Variants in MICU1 observed in about 807,000 individuals in gnomAD.
MICU1 encodes the protein mitochondrial calcium uptake 1, also known as calcium uptake protein 1, mitochondrial.
Under a neutral mutation model 56.8 loss-of-function variants are expected in MICU1, and 45 were observed. The ratio of observed to expected loss-of-function variants is 0.79; its 90% CI spans 0.62 to 1.02. The LOEUF is 1.02. Among genes scored for constraint, MICU1 ranks in the 50% least tolerant of loss-of-function variants. MICU1 has a pLI of 0.00. For missense variants in MICU1, 504 were observed against 587.1 expected (o/e 0.86, Z 1.46); for synonymous variants, 186 against 195.1 (o/e 0.95, Z 0.39).
intron 9 of MICU1, among the ~76,000 whole-genome samples, chr10:72,421,667 C>T (rs1864179423): frequency 6.6e-6 from 1 of 152,186 alleles, no homozygotes; most frequent in Non-Finnish European, 1.5e-5. Context: ...TGTTCTCCAA[C>T]CTCAAGGCTG....
At chr10:72,443,943 T>C (rs1263599537) in intron 8 of MICU1, among the ~76,000 whole-genome samples, 8 of 150,288 alleles carry the variant, frequency 5.3e-5, no homozygotes, top group African/African-American at 2.0e-4. Context: ...TGCAGCACTA[T>C]TCACAATAGC....
At chr10:72,620,845 C>T (rs1345099851) in intron 1 of MICU1, among the ~76,000 whole-genome samples, 2 of 152,102 alleles carry the variant, frequency 1.3e-5, no homozygotes, top group Admixed American at 1.3e-4. Flanking sequence ...CCACAGCTAC[C>T]TTTTTTTGCT....
chr10:72,625,279 C>T (rs955932545), intron 1 of MICU1, among the ~76,000 whole-genome samples: 2 of 152,102 alleles, frequency 1.3e-5, no homozygotes, highest in Non-Finnish European at 1.5e-5. Flanking sequence ...TAATGGCCAC[C>T]GTATTTTTTA....
chr10:72,427,277 T>C (rs569400853), intron 8 of MICU1, among the ~76,000 whole-genome samples: 3 of 152,366 alleles, frequency 2.0e-5, no homozygotes, highest in Admixed American at 1.3e-4. Context: ...CCTGGCTTTC[T>C]GTTCACACTG....
intron 6 of MICU1, among the ~76,000 whole-genome samples, chr10:72,496,921 T>C (rs1866864900): frequency 1.3e-5 from 2 of 152,308 alleles, no homozygotes; most frequent in South Asian, 4.1e-4. Context: ...ATGGAATTCT[T>C]ACTATATGCC....
chr10:72,429,221 A>C (rs1864445331), intron 8 of MICU1, among the ~76,000 whole-genome samples: 1 of 151,962 alleles, frequency 6.6e-6, no homozygotes, highest in Non-Finnish European at 1.5e-5. Flanking sequence ...GGAGTTTGAG[A>C]CCAGCCTGGT....
At chr10:72,370,888 G>A (rs1345313161) in intron 11 of MICU1, among the ~76,000 whole-genome samples, 1 of 151,848 alleles carries the variant, frequency 6.6e-6, no homozygotes, top group Non-Finnish European at 1.5e-5. Flanking sequence ...AAAATTAGCT[G>A]GGCATGGTGG....
At chr10:72,421,302 C>T (rs537802549) in intron 9 of MICU1, among the ~76,000 whole-genome samples, 1 of 151,906 alleles carries the variant, frequency 6.6e-6, no homozygotes, top group Admixed American at 6.6e-5. Context: ...TTCTCCCACG[C>T]TGGAGTGAAG....
intron 8 of MICU1, among the ~76,000 whole-genome samples, chr10:72,448,191 A>AT (rs879641500): frequency 0.014 from 567 of 39,454 alleles, 4 homozygotes; most frequent in Middle Eastern, 0.034. Context: ...ATATATATAT[A>AT]TATTTTTTTT....
chr10:72,589,574 A>C lies in MICU1; in HGVS notation c.-1-22780T>G, dbSNP rs182190245. ...AACATGGAAAAATAGCCAGAAAAAT[A>C]CTGAAGGAAAAAAAAACCCTTAGAG... On this transcript the variant is annotated intron_variant, in intron 1 of 11. Transcript: ENST00000361114. Among the ~76,000 whole-genome samples, 159 of 152,198 alleles carry C rather than the reference A, an allele frequency of 1.0e-3. 1 individual carries two copies. The highest frequency in any genetic ancestry group is 0.01 in the Middle Eastern group (3 of 294).
chr10:72,603,386 C>CAAAAAAAAA (rs59129933), intron 1 of MICU1, among the ~76,000 whole-genome samples: 1 of 129,648 alleles, frequency 7.7e-6, no homozygotes. Flanking sequence ...GACTCTGTCT[C>CAAAAAAAAA]AAAAAAAAAA....
chr10:72,457,893 G>T (rs1216398612), intron 8 of MICU1, among the ~76,000 whole-genome samples: 1 of 152,158 alleles, frequency 6.6e-6, no homozygotes, highest in African/African-American at 2.4e-5. Context: ...TCTAGGCTGG[G>T]CGCAGTGGCT....
intron 5 of MICU1, among the ~76,000 whole-genome samples, chr10:72,518,347 A>T (rs973196525): frequency 5.5e-4 from 84 of 151,978 alleles, no homozygotes; most frequent in African/African-American, 2.0e-3. Context: ...TTTCTTTTTT[A>T]AAAAAATTTG....
chr10:72,558,445 G>A lies in MICU1; in HGVS notation c.330+4450C>T, dbSNP rs528199941. 1.2e-4 allele frequency among the ~76,000 whole-genome samples: 19 copies of A among 152,246 alleles called. No homozygotes were observed. In the South Asian group the frequency reaches 2.9e-3, roughly 23 times the overall value. ...GGCTCATAGTATATGGGATATGAACGGCAGTAAGTGTGCAGAAAAGGAGGC... is the reference window on the plus strand; with the variant it reads ...GGCTCATAGTATATGGGATATGAACAGCAGTAAGTGTGCAGAAAAGGAGGC... On this transcript the variant is annotated intron_variant, in intron 3 of 11. Transcript: ENST00000361114.
chr10:72,411,421 G>A (rs1350605391), intron 9 of MICU1, among the ~76,000 whole-genome samples: 5 of 151,214 alleles, frequency 3.3e-5, no homozygotes, highest in Admixed American at 6.6e-5. Flanking sequence ...TCCGCCTCCC[G>A]GGTTCACGCC....
chr10:72,410,373 T>A (rs759198047), intron 9 of MICU1, among the ~76,000 whole-genome samples: 4 of 152,182 alleles, frequency 2.6e-5, no homozygotes, highest in Non-Finnish European at 5.9e-5. Context: ...TCCCAGCACT[T>A]TGGGTGGCCG....
At chr10:72,516,236 C>A (rs1217468682) in intron 5 of MICU1, among the ~76,000 whole-genome samples, 1 of 152,110 alleles carries the variant, frequency 6.6e-6, no homozygotes, top group Non-Finnish European at 1.5e-5. Context: ...GAAATGCCTT[C>A]TTTTGAGAAG....
intron 1 of MICU1, among the ~76,000 whole-genome samples, chr10:72,611,106 T>G (rs373976509): frequency 1.3e-4 from 18 of 142,382 alleles, no homozygotes; most frequent in African/African-American, 4.2e-4. Context: ...CGATGGAGAC[T>G]ATCCTGGCTA....
At chr10:72,516,279 G>T (rs1249948214) in intron 5 of MICU1, among the ~76,000 whole-genome samples, 1 of 151,916 alleles carries the variant, frequency 6.6e-6, no homozygotes, top group Non-Finnish European at 1.5e-5. Context: ...ACTTTTTGTT[G>T]GGGTTATTTT....
Sources: allele counts gnomAD v4.1 joint callset (sites outside exome capture counted in the v4.1 genomes callset), GRCh38; gene constraint gnomAD v4.1.1; transcripts MANE v1.5; gene names NCBI Gene and HGNC (gene_info 2026-07-23, HGNC 2026-07-21).